The following FGGY variants were observed in gnomAD, a reference collection of about 807,000 sequenced individuals.
The protein encoded by FGGY is FGGY carbohydrate kinase domain containing.
Under a neutral mutation model 71.3 loss-of-function variants are expected in FGGY, and 72 were observed. The ratio of observed to expected loss-of-function variants is 1.01; its 90% CI spans 0.84 to 1.23. FGGY has a LOEUF of 1.23. FGGY is among the 50% of genes most tolerant of loss of function. The pLI, the probability that FGGY is intolerant of heterozygous loss-of-function variation, is 0.00. For synonymous variants in FGGY, 251 were observed against 250.3 expected (o/e 1.00, Z -0.02); for missense variants, 668 against 682.3 (o/e 0.98, Z 0.23).
intron 7 of FGGY, among the ~76,000 whole-genome samples, chr1:59,544,373 T>A (rs1558295364): frequency 6.6e-6 from 1 of 152,192 alleles, no homozygotes; most frequent in Non-Finnish European, 1.5e-5. Context: ...TGCAGTTTCA[T>A]CCGTGTGATC....
intron 6 of FGGY, among the ~76,000 whole-genome samples, chr1:59,499,299 G>GTTTGTTTTTTTTTTT (rs774954925): frequency 1.9e-5 from 2 of 105,804 alleles, no homozygotes; most frequent in African/African-American, 7.9e-5. Flanking sequence ...TACTATGTTT[G>GTTTGTTTTTTTTTTT]TTTTTTTTTT....
At chr1:59,391,795 G>C (rs560898783) in intron 5 of FGGY, among the ~76,000 whole-genome samples, 1 of 152,198 alleles carries the variant, frequency 6.6e-6, no homozygotes, top group African/African-American at 2.4e-5. Flanking sequence ...TTCCTTTACT[G>C]AACAATTTTC....
At chr1:59,751,245 G>A (rs1289508907) in intron 14 of FGGY, among the ~76,000 whole-genome samples, 1 of 149,126 alleles carries the variant, frequency 6.7e-6, no homozygotes, top group African/African-American at 2.4e-5. Flanking sequence ...ATGTCCTTTT[G>A]AGGGTTAAAA....
intron 7 of FGGY, among the ~76,000 whole-genome samples, chr1:59,530,876 C>A (rs2095123612): frequency 6.6e-6 from 1 of 152,122 alleles, no homozygotes; most frequent in Admixed American, 6.5e-5. Context: ...CCTTAAGGTA[C>A]TAGCTTGTAA....
rs1336933253 is a variant in FGGY at position 59,653,189 on chromosome 1, G to A, written c.1222-7030G>A. Among the ~76,000 whole-genome samples, 10 of 151,824 alleles carry A rather than the reference G, an allele frequency of 6.6e-5. 1 individual carries two copies. The highest frequency in any genetic ancestry group is 4.2e-4 in the South Asian group (2 of 4,810). On this transcript the variant is annotated intron_variant, in intron 11 of 15. Coordinates refer to ENST00000303721, the MANE Select transcript of FGGY (RefSeq NM_018291.5). The stretch of plus-strand genomic sequence containing the variant: ...GACAGGGACATTTAAGTCTGCAGAG[G>A]TTACTGCTGTCTTTTTGTTTGTCTG...
At chr1:59,473,423 A>AC (rs2093088940) in intron 6 of FGGY, among the ~76,000 whole-genome samples, 1 of 152,114 alleles carries the variant, frequency 6.6e-6, no homozygotes, top group African/African-American at 2.4e-5. Flanking sequence ...GAACTGTAAC[A>AC]CTCACCGTGA....
Position 59,391,632 on chromosome 1 carries a change from C to T in FGGY, c.554+12795C>T, listed in dbSNP as rs370277806. Reference sequence around the variant, plus strand: ...GTGACCTCGACGATTATGATGTGCACTCTTCACTGAGAACCACTAGTCTGA... The same window carrying T: ...GTGACCTCGACGATTATGATGTGCATTCTTCACTGAGAACCACTAGTCTGA... On this transcript the variant is annotated intron_variant, in intron 5 of 15. Transcript: ENST00000303721. Among the ~76,000 whole-genome samples the T allele has an allele frequency of 3.9e-5, 6 of 152,166 alleles. No homozygotes were observed. The East Asian group carries it at 1.2e-3, about 29-fold the overall frequency.
At chr1:59,522,060 C>G (rs1166562804) in intron 7 of FGGY, among the ~76,000 whole-genome samples, 1 of 152,194 alleles carries the variant, frequency 6.6e-6, no homozygotes, top group African/African-American at 2.4e-5. Flanking sequence ...CGTTGAATAC[C>G]TATGCTGTGC....
chr1:59,512,214 G>A (rs1380993496), intron 6 of FGGY, 97 bp from the exon 7 acceptor site: 1 of 1,312,300 alleles, frequency 7.6e-7, no homozygotes, highest in African/African-American at 1.5e-5. Context: ...ATGCAGAGGA[G>A]GGAGGAGAGA....
At chr1:59,395,140 C>G (rs1338528887) in intron 5 of FGGY, among the ~76,000 whole-genome samples, 2 of 152,018 alleles carry the variant, frequency 1.3e-5, no homozygotes, top group Admixed American at 1.3e-4. Flanking sequence ...GTAATTATTT[C>G]TTGACATACA....
intron 6 of FGGY, among the ~76,000 whole-genome samples, chr1:59,508,746 AAG>A (rs140170730): frequency 6.6e-6 from 1 of 152,292 alleles, no homozygotes; most frequent in Non-Finnish European, 1.5e-5. Context: ...TTCCAAATGA[AAG>A]ATGGGATATT....
chr1:59,588,755 C>A (rs1252082568), intron 8 of FGGY, among the ~76,000 whole-genome samples: 1 of 152,078 alleles, frequency 6.6e-6, no homozygotes, highest in Non-Finnish European at 1.5e-5. Flanking sequence ...ATTTTGTCAC[C>A]ACCAGGCCTG....
chr1:59,503,830 A>C (rs148190781), intron 6 of FGGY, among the ~76,000 whole-genome samples: 13 of 152,018 alleles, frequency 8.6e-5, no homozygotes, highest in Middle Eastern at 3.4e-3. Context: ...CCCTTATTAT[A>C]ACATTGGGGC....
chr1:59,357,979 CA>C (rs139581338), intron 4 of FGGY, among the ~76,000 whole-genome samples: 3,082 of 152,200 alleles, frequency 0.02, 106 homozygotes, highest in African/African-American at 0.071. Flanking sequence ...CTGTGTCGAT[CA>C]AAAATTGAAC....
chr1:59,424,864 G>A (rs2066071437), intron 5 of FGGY, among the ~76,000 whole-genome samples: 2 of 152,232 alleles, frequency 1.3e-5, no homozygotes, highest in African/African-American at 4.8e-5. Flanking sequence ...ACATAAGCCA[G>A]TTATGAAGGA....
intron 9 of FGGY, among the ~76,000 whole-genome samples, chr1:59,619,194 C>T (rs529343404): frequency 2.3e-4 from 35 of 152,098 alleles, no homozygotes; most frequent in East Asian, 5.8e-4. Flanking sequence ...CCAGTATTTA[C>T]GGAGTGCTTA....
chr1:59,390,922 A>T (rs779424546), intron 5 of FGGY, among the ~76,000 whole-genome samples: 2 of 152,176 alleles, frequency 1.3e-5, no homozygotes, highest in African/African-American at 4.8e-5. Flanking sequence ...CCTTACATAT[A>T]TATTAGTAAA....
chr1:59,524,014 C>G (rs1449660492), intron 7 of FGGY, among the ~76,000 whole-genome samples: 2 of 152,228 alleles, frequency 1.3e-5, no homozygotes, highest in Non-Finnish European at 2.9e-5. Context: ...CTGCAGCCGC[C>G]CAGCTGCGGC....
At chr1:59,571,731 G>A (rs1428771732) in intron 8 of FGGY, among the ~76,000 whole-genome samples, 1 of 152,128 alleles carries the variant, frequency 6.6e-6, no homozygotes, top group Non-Finnish European at 1.5e-5. Flanking sequence ...GAATAACTAA[G>A]TTGTATTATA....
Sources: allele counts gnomAD v4.1 joint callset (sites outside exome capture counted in the v4.1 genomes callset), GRCh38; gene constraint gnomAD v4.1.1; transcripts MANE v1.5; gene names NCBI Gene and HGNC (gene_info 2026-07-23, HGNC 2026-07-21).